The following MYH7 variants were observed in gnomAD, a reference collection of about 807,000 sequenced individuals.
MYH7 encodes myosin heavy chain 7, also known as myosin-7.
In MYH7, 129 loss-of-function variants were observed where a neutral mutation model predicts 225.4. The ratio of observed to expected loss-of-function variants is 0.57; its 90% confidence interval spans 0.50 to 0.66. The LOEUF (loss-of-function observed/expected upper bound fraction) is 0.66, where lower values mean the gene tolerates loss of function less well. Among genes scored for constraint, MYH7 ranks in the 30% least tolerant of loss-of-function variants. The pLI, the probability that MYH7 is intolerant of heterozygous loss-of-function variation, is 0.00. For missense variants in MYH7, 1,649 were observed against 2,517.0 expected (o/e 0.66, Z 7.38); for synonymous variants, 971 against 1,007.6 (o/e 0.96, Z 0.69).
chr14:23,416,932 T>C lies in MYH7; in HGVS notation c.4580A>G (p.Glu1527Gly). The C allele has an allele frequency of 6.2e-7, 1 of 1,614,222 alleles. No homozygotes were observed. Among genetic ancestry groups the C allele is most frequent in the South Asian group, 1.1e-5 (1 of 91,084 alleles). Residue 1527 changes from glutamate (E) to glycine (G), a missense_variant, in exon 33 of 40, where the codon GAG (glutamate) becomes GGG (glycine). This residue lies in a region of MYH7 where 687 missense variants were observed against 913.8 expected (regional missense o/e 0.75). Coordinates refer to ENST00000355349, the MANE Select transcript of MYH7 (RefSeq NM_000257.4). ...GSSGKTIHEL[E>G]KVRKQLEAEK... The stretch of plus-strand genomic sequence containing the variant: ...GGCCTCCAGCTGCTTTCGGACCTTC[T>C]CCAGCTCATGGATAGTCTTTCCGCT...
chr14:23,415,073 C>A lies in MYH7; in HGVS notation c.5481G>T (p.Glu1827Asp), dbSNP rs368848344. 2 of 1,613,704 alleles carry A rather than the reference C, an allele frequency of 1.2e-6. No homozygotes were observed. Among genetic ancestry groups the A allele is most frequent in the African/African-American group, 2.7e-5 (2 of 75,056 alleles). The change falls in exon 37 of 40, where the codon GAG (glutamate) becomes GAT (aspartate). Residue 1827 changes from glutamate to aspartate, a missense_variant. Glu to Asp is a conservative substitution (Grantham distance 45). Transcript: ENST00000355349. This position sits in a 1 kb window ranked among gnomAD's most constrained non-coding sequence, Gnocchi z 6.3. ...ARVRELENEL[E>D]AEQKRNAESV... ...ACTCTGCGTTGCGCTTCTGCTCGGCCTCCAGCTCATTCTCCAGCTCCCGCA... is the reference window on the plus strand; with the variant it reads ...ACTCTGCGTTGCGCTTCTGCTCGGCATCCAGCTCATTCTCCAGCTCCCGCA...
chr14:23,412,905 G>T, intron 39 of MYH7, 34 bp from the exon 40 acceptor site: 1 of 1,611,588 alleles, frequency 6.2e-7, no homozygotes, highest in South Asian at 1.1e-5. Context: ...ATCAGTCCTT[G>T]GAGAGATGGT....
rs540263945 is a variant in MYH7 at position 23,419,587 on chromosome 14, C to G, written c.3749G>C (p.Arg1250Pro). The G allele has an allele frequency of 2.5e-6, 4 of 1,613,498 alleles. No individual in the cohort carries two copies. The highest frequency in any genetic ancestry group is 2.2e-5 in the East Asian group (1 of 44,836). Residue 1250 changes from arginine to proline, a missense_variant, in exon 28 of 40, where the codon CGG becomes CCG. Physicochemically the swap from Arg to Pro is moderately radical, Grantham distance 103 (BLOSUM62 -2). Around this residue, in one of 12 missense-constraint regions of MYH7, gnomAD observed 687 missense variants for 913.8 expected, o/e 0.75. Coordinates refer to ENST00000355349, the MANE Select transcript of MYH7 (RefSeq NM_000257.4). ...CTCATTCATCTGGTCTTCCAAGGTC[C>G]GGCACATCTTCTCCAGGTTAGCCTG... is the stretch of plus-strand genomic sequence containing the variant. ...KAKANLEKMC[R>P]TLEDQMNEHR...
chr14:23,434,583 C>G (rs1893074309), intron 1 of MYH7, among the ~76,000 whole-genome samples: 1 of 152,172 alleles, frequency 6.6e-6, no homozygotes, highest in African/African-American at 2.4e-5. Context: ...TTGTTCGGCA[C>G]TTTCCAGTCT....
At chr14:23,420,632 G>C (rs1001789010) in intron 26 of MYH7, among the ~76,000 whole-genome samples, 22 of 152,204 alleles carry the variant, frequency 1.4e-4, no homozygotes, top group African/African-American at 5.3e-4. Flanking sequence ...CAGAGTCGAA[G>C]GACTCTTAAA....
rs1364805821 is a variant in MYH7, at chr14:23,415,511, G to C, written c.5158-5C>G. 1 of 1,614,218 alleles carries C rather than the reference G, an allele frequency of 6.2e-7. No homozygotes were observed. Among genetic ancestry groups the C allele is most frequent in the Admixed American group, 1.7e-5 (1 of 60,032 alleles). On this transcript the variant is annotated splice_polypyrimidine_tract_variant and splice_region_variant and intron_variant, in intron 35 of 39. Transcript: ENST00000355349. This position sits in a 1 kb window ranked among gnomAD's most constrained non-coding sequence, Gnocchi z 6.3. ...CTGGTTGATGAGGCTGGTGTTCTGG[G>C]TTGGGGGAGGGTTGGGCAGAGCAGG...
At chr14:23,422,158 C>A (rs1371535417) in intron 25 of MYH7, 22 bp downstream of exon 25, 1 of 1,612,076 alleles carries the variant, frequency 6.2e-7, no homozygotes, top group Admixed American at 1.7e-5. Flanking sequence ...GGAGGAAGGG[C>A]AGCAGGGAGG....
chr14:23,422,489 T>C (rs185411243), intron 24 of MYH7, among the ~76,000 whole-genome samples, 164 bp from the exon 25 acceptor site: 3 of 152,206 alleles, frequency 2.0e-5, no homozygotes, highest in Middle Eastern at 3.4e-3. Context: ...TGCCTAGATA[T>C]AGGGGATGCT....
At chr14:23,422,019 T>C (rs1892490520) in intron 25 of MYH7, among the ~76,000 whole-genome samples, 161 bp downstream of exon 25, 1 of 152,230 alleles carries the variant, frequency 6.6e-6, no homozygotes, top group Non-Finnish European at 1.5e-5. Context: ...TATCTGGGAC[T>C]AGGGGAGGAA....
chr14:23,435,212 C>T (rs539013263), intron 1 of MYH7, among the ~76,000 whole-genome samples: 1 of 152,198 alleles, frequency 6.6e-6, no homozygotes, highest in East Asian at 1.9e-4. Flanking sequence ...ATACACACTT[C>T]CTAGAATCCT....
chr14:23,419,182 C>T lies in MYH7; in HGVS notation c.3967G>A (p.Val1323Ile), dbSNP rs727503247. ...GGCCCGAGTCTAGCCCTTACCTTAA[C>T]CTCCTCCTCCAGCTGCCTCTTGAGG... ...EDLKRQLEEE[V>I]KAKNALAHAL... Residue 1323 changes from valine (V) to isoleucine (I), a missense_variant, in exon 29 of 40, where the codon GTT (valine) becomes ATT (isoleucine). Coordinates refer to ENST00000355349, the MANE Select transcript of MYH7 (RefSeq NM_000257.4). 4 of 1,614,170 alleles carry T rather than the reference C, an allele frequency of 2.5e-6. No homozygotes were observed. The highest frequency in any genetic ancestry group is 3.4e-6 in the Non-Finnish European group (4 of 1,179,990).
chr14:23,412,998 T>C, intron 39 of MYH7, 127 bp from the exon 40 acceptor site: 1 of 911,026 alleles, frequency 1.1e-6, no homozygotes, highest in Non-Finnish European at 1.8e-6. Flanking sequence ...TGGAAGCCCC[T>C]GTGGCAGCAG....
Position 23,433,232 on chromosome 14 carries a change from A to C in MYH7, c.202-5T>G. 1 of 1,614,130 alleles carries C rather than the reference A, an allele frequency of 6.2e-7. No homozygotes were observed. The highest frequency in any genetic ancestry group is 1.1e-5 in the South Asian group (1 of 91,072). ...GTCCTCCTTCACGGTCACTGTCTGC[A>C]AGAGCCCCCACCCAAGCCCTCCTGT... On this transcript the variant is annotated splice_region_variant and splice_polypyrimidine_tract_variant and intron_variant, in intron 3 of 39. Coordinates refer to ENST00000355349, the MANE Select transcript of MYH7 (RefSeq NM_000257.4). This position sits in a 1 kb window ranked among gnomAD's most constrained non-coding sequence, Gnocchi z 4.1.
chr14:23,427,432 T>A, intron 16 of MYH7, 125 bp from the exon 17 acceptor site: 1 of 1,460,258 alleles, frequency 6.8e-7, no homozygotes, highest in Admixed American at 1.9e-5. Context: ...TCAATGTGGC[T>A]GCCTCAGTTT....
intron 9 of MYH7, 85 bp from the exon 10 acceptor site, chr14:23,431,084 A>G (rs1892916587): frequency 9.9e-7 from 1 of 1,007,126 alleles, no homozygotes; most frequent in Non-Finnish European, 1.6e-6. Context: ...TAGCAAGCAA[A>G]AGGCAGAGGG....
In MYH7 at chr14:23,433,111, C is replaced by T. The variant is rs1893015525; in HGVS notation, c.318G>A (p.Lys106=). The T allele has an allele frequency of 6.2e-7, 1 of 1,614,004 alleles. No homozygotes were observed. The highest frequency in any genetic ancestry group is 1.7e-5 in the Admixed American group (1 of 59,998). Residue 106 remains lysine, a synonymous_variant, in exon 4 of 40, where the codon AAG becomes AAA. Coordinates refer to ENST00000355349, the MANE Select transcript of MYH7 (RefSeq NM_000257.4). This position sits in a 1 kb window ranked among gnomAD's most constrained non-coding sequence, Gnocchi z 4.1. ...LHEPAVLYNL[K]DRYGSWMIYT... The stretch of plus-strand genomic sequence containing the variant: ...AGATCATCCAGGAGCCGTAGCGATC[C>T]TTGAGGTTGTAGAGCACCGCGGGCT...
chr14:23,429,059 T>A lies in MYH7; in HGVS notation c.1303A>T (p.Met435Leu), dbSNP rs1240750957. The A allele has an allele frequency of 6.2e-7, 1 of 1,614,180 alleles. No individual in the cohort carries two copies. The highest frequency in any genetic ancestry group is 8.5e-7 in the Non-Finnish European group (1 of 1,180,034). The change falls in exon 14 of 40, where the codon ATG (methionine) becomes TTG (leucine). Residue 435 changes from methionine (M) to leucine (L), a missense_variant. Met to Leu is a conservative substitution (Grantham distance 15). Coordinates refer to ENST00000355349, the MANE Select transcript of MYH7 (RefSeq NM_000257.4). ...GALAKAVYERMFNWMVTRINA... is the reference protein window; with the variant it reads ...GALAKAVYERLFNWMVTRINA... ...ATGCGCGTCACCATCCAGTTGAACA[T>A]CCTCTCATACACTGCCTTGGCCAGT...
At chr14:23,420,281 T>G (rs748620236) in intron 26 of MYH7, 47 bp from the exon 27 acceptor site, 1 of 1,596,320 alleles carries the variant, frequency 6.3e-7, no homozygotes, top group South Asian at 1.1e-5. Context: ...ACCCCTCCAC[T>G]GGAATCCCCC....
At chr14:23,421,568 AT>A (rs1350037898) in intron 25 of MYH7, among the ~76,000 whole-genome samples, 1 of 152,250 alleles carries the variant, frequency 6.6e-6, no homozygotes, top group Non-Finnish European at 1.5e-5. Flanking sequence ...CACAAACTTG[AT>A]GAGGATGTAG....
Sources: allele counts gnomAD v4.1 joint callset (sites outside exome capture counted in the v4.1 genomes callset), GRCh38; gene constraint gnomAD v4.1.1; regional missense constraint gnomAD v4.1.1; non-coding constraint Gnocchi (gnomAD v3.1); transcripts MANE v1.5; gene names NCBI Gene and HGNC (gene_info 2026-07-23, HGNC 2026-07-21).